Variants in UTRN observed in about 807,000 individuals in gnomAD.
The protein encoded by UTRN is utrophin, also known as dystrophin-related protein 1.
UTRN carries 283 observed loss-of-function variants against 463.9 expected under a neutral mutation model. The ratio of observed to expected loss-of-function variants is 0.61; its 90% CI spans 0.55 to 0.67. The LOEUF (loss-of-function observed/expected upper bound fraction) is 0.67. Ranked by LOEUF, UTRN falls within the 30% of genes least tolerant of loss-of-function variation. UTRN has a pLI of 0.00. For missense variants in UTRN, 3,922 were observed against 4,084.3 expected (o/e 0.96, Z 1.08); for synonymous variants, 1,442 against 1,431.5 (o/e 1.01, Z -0.17).
chr6:144,745,047 G>A (rs1366081617), intron 54 of UTRN, among the ~76,000 whole-genome samples: 3 of 152,128 alleles, frequency 2.0e-5, no homozygotes, highest in African/African-American at 4.8e-5. Flanking sequence ...ACCTTTTGGG[G>A]GAGGGTTCCT....
chr6:144,722,112 T>A (rs1787244886), intron 53 of UTRN, among the ~76,000 whole-genome samples: 1 of 151,778 alleles, frequency 6.6e-6, no homozygotes, highest in Non-Finnish European at 1.5e-5. Flanking sequence ...GTCTCTCCCA[T>A]CAACCACAAG....
chr6:144,607,144 A>G (rs956137156), intron 51 of UTRN, among the ~76,000 whole-genome samples: 1 of 152,234 alleles, frequency 6.6e-6, no homozygotes, highest in African/African-American at 2.4e-5. Context: ...GCTTATGAGA[A>G]TCAATGTTGA....
chr6:144,801,528 A>ATG (rs1777698302), intron 64 of UTRN, among the ~76,000 whole-genome samples: 1 of 147,768 alleles, frequency 6.8e-6, no homozygotes, highest in South Asian at 2.3e-4. Flanking sequence ...TCTACCCAAG[A>ATG]TATATATATA....
At chr6:144,573,423 G>T (rs1299446027) in intron 50 of UTRN, among the ~76,000 whole-genome samples, 1 of 151,924 alleles carries the variant, frequency 6.6e-6, no homozygotes. Flanking sequence ...GCTGGGTGTG[G>T]TGGCACATCC....
At chr6:144,684,601 T>G (rs539377293) in intron 52 of UTRN, among the ~76,000 whole-genome samples, 8 of 152,182 alleles carry the variant, frequency 5.3e-5, no homozygotes, top group Non-Finnish European at 1.0e-4. Context: ...CACATTTTAT[T>G]TTATTACATT....
chr6:144,710,757 A>G (rs1785596326), intron 53 of UTRN, among the ~76,000 whole-genome samples: 1 of 152,212 alleles, frequency 6.6e-6, no homozygotes, highest in African/African-American at 2.4e-5. Flanking sequence ...GTTTAAAACT[A>G]TATAGGCTAC....
chr6:144,643,415 G>A (rs188588425), intron 51 of UTRN, among the ~76,000 whole-genome samples: 3 of 152,214 alleles, frequency 2.0e-5, no homozygotes, highest in Admixed American at 1.3e-4. Flanking sequence ...AGAGTTTAAC[G>A]TTTTCCTGTA....
At chr6:144,677,980 C>T (rs943546625) in intron 51 of UTRN, among the ~76,000 whole-genome samples, 2 of 152,018 alleles carry the variant, frequency 1.3e-5, no homozygotes, top group African/African-American at 4.8e-5. Flanking sequence ...ATAAGTTCCT[C>T]GTAGATTCTG....
In UTRN at chr6:144,754,784, A is replaced by G. The variant is rs1177010106; in HGVS notation, c.8420A>G (p.Gln2807Arg). ...CACAGAGATTTTGGACCATCCTCTC[A>G]GCATTTTCTCTCTAGTAAGTACTAA... ...EAHRDFGPSS[Q>R]HFLSTSVQLP... The change falls in exon 57 of 75, where the codon CAG (glutamine) becomes CGG (arginine). Residue 2807 changes from glutamine to arginine, a missense_variant. Gln to Arg is a conservative substitution (Grantham distance 43). Coordinates refer to ENST00000367545, the MANE Select transcript of UTRN (RefSeq NM_007124.3). 2 of 1,613,452 alleles carry G rather than the reference A, an allele frequency of 1.2e-6. No individual in the cohort carries two copies. The highest frequency in any genetic ancestry group is 1.7e-6 in the Non-Finnish European group (2 of 1,179,700).
At chr6:144,789,122 T>A (rs1776542937) in intron 61 of UTRN, 72 bp from the exon 62 acceptor site, 3 of 1,204,084 alleles carry the variant, frequency 2.5e-6, no homozygotes, top group Non-Finnish European at 3.6e-6. Context: ...AGAAAATAGA[T>A]ATTCAGAAAC....
At chr6:144,400,223 T>G (rs974313341) in intron 2 of UTRN, among the ~76,000 whole-genome samples, 1 of 152,232 alleles carries the variant, frequency 6.6e-6, no homozygotes, top group Non-Finnish European at 1.5e-5. Flanking sequence ...ATTATATTCA[T>G]TCACTTAATA....
At chr6:144,563,825 T>A (rs962608851) in intron 50 of UTRN, among the ~76,000 whole-genome samples, 3 of 152,176 alleles carry the variant, frequency 2.0e-5, no homozygotes, top group Admixed American at 6.5e-5. Context: ...TTACTTTTTT[T>A]AAAAAACAAT....
intron 2 of UTRN, among the ~76,000 whole-genome samples, chr6:144,384,622 C>T (rs960597981): frequency 1.3e-5 from 2 of 152,180 alleles, no homozygotes; most frequent in African/African-American, 2.4e-5. Context: ...TTTACTTTCA[C>T]TATTCTAGGT....
chr6:144,490,348 T>C lies in UTRN; in HGVS notation c.4263+149T>C, dbSNP rs932161998. On this transcript the variant is annotated intron_variant, in intron 31 of 74. Transcript: ENST00000367545. ...TGATGATGTGTTGAAGGTTGCATCC[T>C]AGGGCAGCAGAAACAAATTGTTGCA... The C allele has an allele frequency of 4.0e-5, 45 of 1,138,538 alleles. No individual in the cohort carries two copies. The African/African-American group carries it at 6.0e-4, about 15-fold the overall frequency. 70.5% of individuals were successfully genotyped at this position (1,138,538 alleles called of 1,614,324 possible). A position where few individuals can be genotyped will look rare whatever the true frequency, so the allele number is the denominator to read the frequency against.
intron 26 of UTRN, among the ~76,000 whole-genome samples, chr6:144,481,878 C>T (rs1259956694): frequency 3.9e-5 from 6 of 152,136 alleles, no homozygotes; most frequent in African/African-American, 7.2e-5. Context: ...GCCAACATGG[C>T]GAAGCCTCAT....
chr6:144,561,524 CTG>C (rs1799922212), intron 50 of UTRN, among the ~76,000 whole-genome samples: 1 of 151,922 alleles, frequency 6.6e-6, no homozygotes, highest in African/African-American at 2.4e-5. Flanking sequence ...ACTAATTACT[CTG>C]TGTTTTTCTC....
chr6:144,667,434 G>A (rs1040103304), intron 51 of UTRN, among the ~76,000 whole-genome samples: 1 of 152,136 alleles, frequency 6.6e-6, no homozygotes, highest in Non-Finnish European at 1.5e-5. Context: ...GTTTGAAGTT[G>A]TCTTGTGATT....
intron 69 of UTRN, among the ~76,000 whole-genome samples, chr6:144,833,573 G>T (rs144344080): frequency 1.0e-3 from 153 of 152,192 alleles, no homozygotes; most frequent in Middle Eastern, 6.8e-3. Context: ...ATATTTACAG[G>T]ATGTTCTACT....
chr6:144,671,434 G>A (rs1434710009), intron 51 of UTRN, among the ~76,000 whole-genome samples: 3 of 151,418 alleles, frequency 2.0e-5, no homozygotes, highest in Admixed American at 6.6e-5. Flanking sequence ...ATTTGTTCTC[G>A]GCTTGGTCAC....
Sources: allele counts gnomAD v4.1 joint callset (sites outside exome capture counted in the v4.1 genomes callset), GRCh38; gene constraint gnomAD v4.1.1; transcripts MANE v1.5; gene names NCBI Gene and HGNC (gene_info 2026-07-23, HGNC 2026-07-21).